The following DNA2 variants were observed in gnomAD, a reference collection of about 807,000 sequenced individuals.
DNA2 encodes the protein DNA replication ATP-dependent helicase/nuclease DNA2.
Under a neutral mutation model 119.1 loss-of-function variants are expected in DNA2, and 101 were observed. The ratio of observed to expected loss-of-function variants is 0.85; its 90% CI spans 0.72 to 1.00. DNA2 has a LOEUF of 1.00. Among genes scored for constraint, DNA2 ranks in the 50% least tolerant of loss-of-function variants. The pLI, the probability that DNA2 is intolerant of heterozygous loss-of-function variation, is 0.00. For missense variants in DNA2, 1,121 were observed against 1,255.5 expected (o/e 0.89, Z 1.62); for synonymous variants, 366 against 424.4 (o/e 0.86, Z 1.69).
chr10:68,443,840 A>T (rs574406272), intron 8 of DNA2, among the ~76,000 whole-genome samples: 1 of 151,944 alleles, frequency 6.6e-6, no homozygotes, highest in Non-Finnish European at 1.5e-5. Context: ...AGTCCCAGCT[A>T]CTCGAGAGGC....
chr10:68,466,103 C>T (rs1194328001), intron 3 of DNA2, among the ~76,000 whole-genome samples: 1 of 151,862 alleles, frequency 6.6e-6, no homozygotes, highest in African/African-American at 2.4e-5. Context: ...TCACTGCAAC[C>T]TTCATCTCCC....
intron 2 of DNA2, among the ~76,000 whole-genome samples, chr10:68,468,971 A>T (rs193143447): frequency 6.6e-5 from 10 of 152,026 alleles, no homozygotes; most frequent in Non-Finnish European, 1.5e-4. Context: ...AATCGCTTGA[A>T]CCCAGGAAGC....
intron 5 of DNA2, among the ~76,000 whole-genome samples, chr10:68,456,156 A>C (rs2052179514): frequency 6.6e-6 from 1 of 152,162 alleles, no homozygotes; most frequent in South Asian, 2.1e-4. Flanking sequence ...CAGGAGGCAG[A>C]GGTTGCAGTG....
Position 68,430,541 on chromosome 10 carries a change from C to T in DNA2, c.2103G>A (p.Gln701=). 2.5e-6 allele frequency: 4 copies of T among 1,610,974 alleles called. No individual in the cohort carries two copies. Among genetic ancestry groups the T allele is most frequent in the Non-Finnish European group, 3.4e-6 (4 of 1,178,500 alleles). ...GGATAGCTGGATGAACCTTCTGAAT[C>T]TGACCCAAACGCAAAAATCCTATTT... is the stretch of plus-strand genomic sequence containing the variant. ...KFKIGFLRLG[Q]IQKVHPAIQQ... is the part of the protein sequence containing the mutation. The change falls in exon 14 of 21, where the codon CAG becomes CAA. Residue 701 remains glutamine, a synonymous_variant. Transcript: ENST00000358410.
At chr10:68,436,749 A>G in intron 10 of DNA2, 1 of 301,406 alleles carries the variant, frequency 3.3e-6, no homozygotes, top group Non-Finnish European at 6.1e-6. Context: ...GCAAATCTAC[A>G]GAGACAGAAA....
rs1410019534 is a variant in DNA2, at chr10:68,468,206, A to G, written c.358T>C (p.Tyr120His). The G allele has an allele frequency of 1.2e-6, 2 of 1,612,754 alleles. No homozygotes were observed. Among genetic ancestry groups the G allele is most frequent in the Non-Finnish European group, 1.7e-6 (2 of 1,179,484 alleles). The change falls in exon 3 of 21, where the codon TAT becomes CAT. Residue 120 changes from tyrosine (Y) to histidine (H), a missense_variant. Transcript: ENST00000358410. ...GTGCCAGAAATCAGCATGTCTGGAT[A>G]CAGAATCAAATATCCAAAATCTTTA... ...IDKDFGYLIL[Y>H]PDMLISGTSI...
rs2133347450 is a variant in DNA2 at position 68,414,613 on chromosome 10, A to C, written c.*426T>G. On this transcript the variant is annotated 3_prime_UTR_variant, in exon 21 of 21. Coordinates refer to ENST00000358410, the MANE Select transcript of DNA2 (RefSeq NM_001080449.3). ...ATCTGATAGCAGAAAAAATCCTAGC[A>C]AAATGGGCTTTGGATTAGGGACCTC... The C allele has an allele frequency of 6.5e-6, 1 of 153,780 alleles. No individual in the cohort carries two copies. Among genetic ancestry groups the C allele is most frequent in the South Asian group, 2.1e-4 (1 of 4,862 alleles). 9.5% of individuals were successfully genotyped at this position (153,780 alleles called of 1,614,324 possible).
chr10:68,467,550 A>G (rs2052341760), intron 3 of DNA2, among the ~76,000 whole-genome samples: 1 of 152,002 alleles, frequency 6.6e-6, no homozygotes, highest in Non-Finnish European at 1.5e-5. Context: ...TCCAAAATAC[A>G]TTTTTGTTTG....
Position 68,414,508 on chromosome 10 carries a change from G to A in DNA2, c.*531C>T, listed in dbSNP as rs572996711. 1 of 152,058 alleles carries A rather than the reference G, an allele frequency of 6.6e-6. No individual in the cohort carries two copies. The highest frequency in any genetic ancestry group is 2.4e-5 in the African/African-American group (1 of 41,428). The allele number at this position is 152,058 out of a possible 1,614,324, so 9.4% of individuals were successfully genotyped here. A position where few individuals can be genotyped will look rare whatever the true frequency, so the allele number is the denominator to read the frequency against. ...ATACTGAATACTGAAAACAAAAAAG[G>A]AGGATAGTAAGGGAGGATAGAAAAT... On this transcript the variant is annotated 3_prime_UTR_variant, in exon 21 of 21. Transcript: ENST00000358410.
At chr10:68,456,042 C>T (rs541162411) in intron 5 of DNA2, among the ~76,000 whole-genome samples, 2 of 151,806 alleles carry the variant, frequency 1.3e-5, no homozygotes, top group Non-Finnish European at 2.9e-5. Context: ...GGTAACATGG[C>T]AAAACACCAT....
chr10:68,444,255 T>C (rs983283079), intron 8 of DNA2, among the ~76,000 whole-genome samples: 1 of 151,860 alleles, frequency 6.6e-6, no homozygotes, highest in Admixed American at 6.6e-5. Context: ...CTGGGTGCGG[T>C]GGCGAGCGCC....
intron 17 of DNA2, 141 bp downstream of exon 17, chr10:68,422,084 A>G: frequency 1.5e-6 from 1 of 650,010 alleles, no homozygotes; most frequent in African/African-American, 1.8e-5. Context: ...AAGTGCTGGG[A>G]TTACAGGTGT....
intron 4 of DNA2, among the ~76,000 whole-genome samples, chr10:68,462,445 GTAAT>G (rs1338829892): frequency 1.3e-5 from 2 of 152,290 alleles, no homozygotes; most frequent in Admixed American, 6.5e-5. Context: ...TTCTAGTACA[GTAAT>G]TAATCATAGA....
At chr10:68,416,428 T>C (rs966009566) in intron 20 of DNA2, among the ~76,000 whole-genome samples, 3 of 152,196 alleles carry the variant, frequency 2.0e-5, no homozygotes, top group African/African-American at 7.2e-5. Flanking sequence ...ATCATATCAC[T>C]GCACTGCAGC....
intron 3 of DNA2, among the ~76,000 whole-genome samples, chr10:68,466,017 T>C (rs1490317717): frequency 1.3e-5 from 2 of 152,114 alleles, no homozygotes; most frequent in African/African-American, 2.4e-5. Flanking sequence ...CTGTATGAGT[T>C]ATCCTTTTTT....
At position 68,437,094 on chromosome 10, in the gene DNA2, A is replaced by G; in HGVS notation, c.1563T>C (p.Ser521=). Residue 521 remains serine (S), a synonymous_variant, in exon 10 of 21, where the codon AGT becomes AGC. Transcript: ENST00000358410. ...NLMAGDRVIV[S]GEERSLFALS... ...AAGCAAACAGTGACCTTTCTTCTCC[A>G]CTTACAATAACTCTGTCACCTGCCA... The G allele has an allele frequency of 6.2e-7, 1 of 1,613,898 alleles. No individual in the cohort carries two copies. The highest frequency in any genetic ancestry group is 8.5e-7 in the Non-Finnish European group (1 of 1,179,862).
intron 18 of DNA2, 138 bp downstream of exon 18, chr10:68,419,665 C>G (rs2051639438): frequency 1.6e-6 from 1 of 630,924 alleles, no homozygotes. Context: ...TACATTTTCT[C>G]AAAATAAAAA....
intron 9 of DNA2, among the ~76,000 whole-genome samples, chr10:68,438,181 C>A (rs983488871): frequency 5.3e-5 from 8 of 152,016 alleles, no homozygotes; most frequent in African/African-American, 9.7e-5. Context: ...CATATAATAC[C>A]ATTACAGAAA....
chr10:68,437,810 A>C (rs1031768233), intron 9 of DNA2, among the ~76,000 whole-genome samples: 5 of 152,050 alleles, frequency 3.3e-5, no homozygotes, highest in Admixed American at 3.3e-4. Flanking sequence ...CACCCTGTTC[A>C]AGCGATTCTC....
Sources: gnomAD v4.1 joint callset for allele counts (sites outside exome capture counted in the v4.1 genomes callset) on GRCh38, gnomAD v4.1.1 for gene constraint, MANE v1.5 for transcripts, NCBI Gene and HGNC (gene_info 2026-07-23, HGNC 2026-07-21) for gene names.